The following CD177 variants were observed in gnomAD, a reference collection of about 807,000 sequenced individuals.
CD177 encodes CD177 antigen.
Under a neutral mutation model 38.1 loss-of-function variants are expected in CD177, and 41 were observed. That is an observed-to-expected ratio of 1.07 (90% CI 0.84 to 1.39). The LOEUF (loss-of-function observed/expected upper bound fraction) is 1.39, where lower values mean the gene tolerates loss of function less well. Among genes scored for constraint, CD177 ranks in the 40% most tolerant of loss-of-function variants. CD177 has a pLI of 0.00. For missense variants in CD177, 619 were observed against 523.8 expected, an observed-to-expected ratio of 1.18 and a Z score of -1.77; for synonymous variants, 236 against 216.7, an observed-to-expected ratio of 1.09 and a Z score of -0.78.
intron 2 of CD177, 64 bp from the exon 3 acceptor site, chr19:43,354,143 C>A (rs1969884376): frequency 1.3e-6 from 2 of 1,570,198 alleles, no homozygotes; most frequent in Non-Finnish European, 1.7e-6. Flanking sequence ...CGTGTAGCAG[C>A]GTCTCCCTCC....
chr19:43,364,290 T>C (rs375982104), downstream of CD177, among the ~76,000 whole-genome samples: 3,118 of 150,858 alleles, frequency 0.021, 87 homozygotes, highest in African/African-American at 0.064. Flanking sequence ...TGCTGGTGCT[T>C]AGAGCTGCTT....
chr19:43,355,551 A>G, intron 3 of CD177, 110 bp from the exon 4 acceptor site: 3 of 1,305,564 alleles, frequency 2.3e-6, no homozygotes, highest in Non-Finnish European at 3.3e-6. Flanking sequence ...CCCTTTGGGA[A>G]GGCTGAGCAG....
chr19:43,363,443 G>T (rs1188324020), downstream of CD177, among the ~76,000 whole-genome samples: 2 of 152,152 alleles, frequency 1.3e-5, no homozygotes, highest in African/African-American at 4.8e-5. Flanking sequence ...GCCGGAGACA[G>T]AAAGAGAGAG....
Position 43,354,243 on chromosome 19 carries a change from C to T in CD177, c.230C>T (p.Thr77Met). ...QVSLVLSKGCTEAKDQEPRVT... is the reference protein window; with the variant it reads ...QVSLVLSKGCMEAKDQEPRVT... ...AGCCTGGTGCTCTCCAAGGGCTGCA[C>T]GGAGGCCAAGGACCAGGAGCCCCGC... The change falls in exon 3 of 9, where the codon ACG becomes ATG. Residue 77 changes from threonine (T) to methionine (M), a missense_variant. By Grantham distance (81) the Thr-to-Met change is moderately conservative. Coordinates refer to ENST00000618265, the MANE Select transcript of CD177 (RefSeq NM_020406.4). 3.7e-6 allele frequency: 6 copies of T among 1,613,696 alleles called. No homozygotes were observed. The highest frequency in any genetic ancestry group is 2.2e-5 in the East Asian group (1 of 44,866).
chr19:43,361,235 G>A lies in CD177; in HGVS notation c.853G>A (p.Val285Met). Residue 285 changes from valine to methionine, a missense_variant, in exon 7 of 9, where the codon GTG (valine) becomes ATG (methionine). Transcript: ENST00000618265. ...CACCATCCACTCAGCCCCTCCTGGG[G>A]TGCTTGTGGCCTCCTATACCCACTT... The part of the protein sequence containing the change: ...KTTIHSAPPG[V>M]LVASYTHFCS... The A allele has an allele frequency of 1.3e-6, 2 of 1,540,764 alleles. No homozygotes were observed. The highest frequency in any genetic ancestry group is 1.8e-6 in the Non-Finnish European group (2 of 1,116,218).
intron 3 of CD177, among the ~76,000 whole-genome samples, chr19:43,355,305 G>A (rs561870680): frequency 1.7e-4 from 26 of 150,766 alleles, no homozygotes; most frequent in South Asian, 1.1e-3. Context: ...GTAGAGACAG[G>A]GTTTCACTAT....
chr19:43,360,602 C>T, intron 6 of CD177, 197 bp downstream of exon 6: 1 of 605,624 alleles, frequency 1.7e-6, no homozygotes, highest in South Asian at 2.1e-5. Context: ...ACAGTGTCTG[C>T]CTTTCTGGGG....
intron 2 of CD177, 63 bp from the exon 3 acceptor site, chr19:43,354,144 G>A (rs1423350611): frequency 1.1e-5 from 18 of 1,574,456 alleles, no homozygotes; most frequent in Middle Eastern, 2.2e-4. Context: ...GTGTAGCAGC[G>A]TCTCCCTCCA....
At chr19:43,365,241 G>C (rs1031102302), downstream of CD177, among the ~76,000 whole-genome samples, 1 of 142,444 alleles carries the variant, frequency 7.0e-6, no homozygotes, top group East Asian at 2.2e-4. Flanking sequence ...GCTTAGCCCC[G>C]GGCTCTGCCT....
intron 3 of CD177, chr19:43,354,629 C>A: frequency 1.7e-6 from 1 of 596,822 alleles, no homozygotes; most frequent in Non-Finnish European, 3.0e-6. Flanking sequence ...CACCCCTCCT[C>A]TTCTAAGAGC....
chr19:43,360,305 C>A lies in CD177; in HGVS notation c.660C>A (p.His220Gln). 1 of 1,612,626 alleles carries A rather than the reference C, an allele frequency of 6.2e-7. No homozygotes were observed. Among genetic ancestry groups the A allele is most frequent in the African/African-American group, 1.3e-5 (1 of 74,980 alleles). The change falls in exon 6 of 9, where the codon CAC (histidine) becomes CAA (glutamine). Residue 220 changes from histidine (H) to glutamine (Q), a missense_variant. Physicochemically the swap from His to Gln is conservative, Grantham distance 24. Coordinates refer to ENST00000618265, the MANE Select transcript of CD177 (RefSeq NM_020406.4). ...ATCGGGGGACCACCATTATGACACA[C>A]GGAAACTTGGCTCAAGAACCCACTG... is the stretch of plus-strand genomic sequence containing the variant. ...TCHRGTTIMT[H>Q]GNLAQEPTDW...
chr19:43,355,261 C>T (rs977733659), intron 3 of CD177, among the ~76,000 whole-genome samples: 2 of 151,226 alleles, frequency 1.3e-5, no homozygotes, highest in African/African-American at 2.4e-5. Context: ...CTAGAGGAGC[C>T]TGCCACCACG....
chr19:43,354,141 A>G, intron 2 of CD177, 66 bp from the exon 3 acceptor site: 2 of 1,571,876 alleles, frequency 1.3e-6, no homozygotes, highest in East Asian at 2.3e-5. Flanking sequence ...GCCGTGTAGC[A>G]GCGTCTCCCT....
rs1159442904 is a variant in CD177, at chr19:43,356,108, G to A, written c.619G>A (p.Asp207Asn). ...VGMTENCDMK[D>N]FLTCHRGTTI... is the part of the protein sequence containing the mutation. ...TATGACTGAGAACTGCGATATGAAA[G>A]GTGAGTCCTGCCCCTAGGCTGTGCC... Residue 207 changes from aspartate to asparagine, a missense_variant and splice_region_variant, in exon 5 of 9, where the codon GAT becomes AAT. Transcript: ENST00000618265. 1.7e-6 allele frequency: 1 copy of A among 574,322 alleles called. No individual in the cohort carries two copies. Among genetic ancestry groups the A allele is most frequent in the Non-Finnish European group, 3.1e-6 (1 of 317,992 alleles). 35.6% of individuals were successfully genotyped at this position (574,322 alleles called of 1,614,324 possible). A position where few individuals can be genotyped will look rare whatever the true frequency, so the allele number is the denominator to read the frequency against.
At chr19:43,354,156 G>C in intron 2 of CD177, 51 bp from the exon 3 acceptor site, 4 of 1,585,328 alleles carry the variant, frequency 2.5e-6, no homozygotes, top group Non-Finnish European at 3.4e-6. Context: ...CTCCCTCCAG[G>C]ACCCTGGAGG....
At chr19:43,364,329 C>T (rs1175159327), downstream of CD177, among the ~76,000 whole-genome samples, 7 of 152,194 alleles carry the variant, frequency 4.6e-5, no homozygotes, top group African/African-American at 1.7e-4. Context: ...ATTGTCTTCC[C>T]ACTTCCAAAA....
chr19:43,354,097 T>C (rs1969883646), intron 2 of CD177, 104 bp downstream of exon 2: 11 of 1,561,022 alleles, frequency 7.0e-6, no homozygotes, highest in East Asian at 2.3e-5. Flanking sequence ...ACTCCTAGGG[T>C]CCCGGTGATC....
At chr19:43,363,743 C>T (rs556479479), downstream of CD177, among the ~76,000 whole-genome samples, 8 of 152,174 alleles carry the variant, frequency 5.3e-5, no homozygotes, top group South Asian at 2.1e-4. Context: ...CGTCTAGTAC[C>T]GTTCACTCCC....
downstream of CD177, among the ~76,000 whole-genome samples, chr19:43,363,854 G>A (rs1167689314): frequency 3.9e-5 from 6 of 152,208 alleles, no homozygotes; most frequent in Non-Finnish European, 5.9e-5. Flanking sequence ...TTGGGAAGCC[G>A]AGGTGGGAGG....
Sources: gnomAD v4.1 joint callset for allele counts (sites outside exome capture counted in the v4.1 genomes callset) on GRCh38, gnomAD v4.1.1 for gene constraint, MANE v1.5 for transcripts, NCBI Gene and HGNC (gene_info 2026-07-23, HGNC 2026-07-21) for gene names.